ST7: variants seen among roughly 807,000 people sequenced by gnomAD.
ST7 encodes the protein suppression of tumorigenicity 7.
Under a neutral mutation model 78.7 loss-of-function variants are expected in ST7, and 28 were observed. That is an observed-to-expected ratio of 0.36 (90% CI 0.26 to 0.49). The LOEUF (loss-of-function observed/expected upper bound fraction) is 0.49. ST7 is among the 20% of genes least tolerant of loss of function. The pLI, the probability that ST7 is intolerant of heterozygous loss-of-function variation, is 0.99. For missense variants in ST7, 418 were observed against 696.0 expected, an observed-to-expected ratio of 0.60 and a Z score of 4.49; for synonymous variants, 247 against 249.6, an observed-to-expected ratio of 0.99 and a Z score of 0.10.
intron 1 of ST7, among the ~76,000 whole-genome samples, chr7:117,036,847 C>G (rs1293828538): frequency 6.6e-6 from 1 of 152,194 alleles, no homozygotes; most frequent in Non-Finnish European, 1.5e-5. Context: ...ATCTCTCAAT[C>G]TAAACTCAGT....
intron 1 of ST7, among the ~76,000 whole-genome samples, chr7:117,010,049 G>A (rs191818289): frequency 3.3e-5 from 5 of 152,340 alleles, no homozygotes; most frequent in East Asian, 3.9e-4. Flanking sequence ...TTACTCATGC[G>A]TTTGGTCATA....
At chr7:117,177,503 C>T (rs776039397) in intron 10 of ST7, among the ~76,000 whole-genome samples, 12 of 152,200 alleles carry the variant, frequency 7.9e-5, no homozygotes, top group Non-Finnish European at 1.3e-4. Flanking sequence ...GCACCAGCCA[C>T]GGAAGGGCCC....
chr7:117,222,905 C>T (rs1793199283), intron 15 of ST7: 14 of 1,613,992 alleles, frequency 8.7e-6, no homozygotes, highest in Non-Finnish European at 1.1e-5. Context: ...ACTGGAATTG[C>T]AAGAGTATTT....
chr7:117,129,934 G>A, intron 4 of ST7, 87 bp downstream of exon 4: 1 of 1,063,308 alleles, frequency 9.4e-7, no homozygotes, highest in East Asian at 2.4e-5. Flanking sequence ...TCATTTAGGG[G>A]TCATTGTAAC....
chr7:117,077,655 T>G (rs1240093744), intron 1 of ST7, among the ~76,000 whole-genome samples: 4 of 152,184 alleles, frequency 2.6e-5, no homozygotes, highest in Admixed American at 2.6e-4. Flanking sequence ...GATGACAATT[T>G]CATTGAGTTT....
intron 9 of ST7, among the ~76,000 whole-genome samples, chr7:117,168,509 GA>G (rs1023546953): frequency 3.1e-4 from 47 of 150,386 alleles, no homozygotes; most frequent in African/African-American, 1.1e-3. Flanking sequence ...ATTAGAAAGA[GA>G]AAAAAAAATC....
chr7:117,107,308 G>T (rs1201115930), intron 2 of ST7, among the ~76,000 whole-genome samples: 1 of 152,054 alleles, frequency 6.6e-6, no homozygotes, highest in African/African-American at 2.4e-5. Flanking sequence ...TGGATCCAAT[G>T]GTAGATGTAC....
intron 10 of ST7, among the ~76,000 whole-genome samples, chr7:117,178,354 G>A (rs529764449): frequency 1.3e-5 from 2 of 152,116 alleles, no homozygotes; most frequent in African/African-American, 4.8e-5. Flanking sequence ...AAAAACAGGC[G>A]AAGCGAGATG....
chr7:117,183,720 A>T (rs1310906694), intron 10 of ST7, among the ~76,000 whole-genome samples: 5 of 152,238 alleles, frequency 3.3e-5, no homozygotes, highest in Non-Finnish European at 7.3e-5. Context: ...AAAGTTAAAC[A>T]GACATCTATC....
At chr7:117,191,368 T>C (rs1390500307) in intron 12 of ST7, among the ~76,000 whole-genome samples, 1 of 152,242 alleles carries the variant, frequency 6.6e-6, no homozygotes, top group East Asian at 1.9e-4. Context: ...GTAATCAGTA[T>C]TGGCAAGAAA....
intron 7 of ST7, 105 bp downstream of exon 7, chr7:117,134,297 G>A: frequency 6.5e-7 from 1 of 1,532,682 alleles, no homozygotes; most frequent in East Asian, 2.3e-5. Flanking sequence ...GCTTCTGTAT[G>A]TGTATTGTGT....
At chr7:116,966,743 C>T (rs1793138908) in intron 1 of ST7, among the ~76,000 whole-genome samples, 1 of 152,304 alleles carries the variant, frequency 6.6e-6, no homozygotes. Flanking sequence ...AGCAAAGCAT[C>T]CCCTCTAGGC....
intron 1 of ST7, chr7:116,954,233 C>T (rs1436864080): frequency 6.6e-6 from 1 of 151,996 alleles, no homozygotes; most frequent in Non-Finnish European, 1.5e-5. Flanking sequence ...GCTGTCCGGG[C>T]GGCGCCCTCC....
At chr7:116,984,409 G>A (rs1046445216) in intron 1 of ST7, among the ~76,000 whole-genome samples, 1 of 152,076 alleles carries the variant, frequency 6.6e-6, no homozygotes, top group Non-Finnish European at 1.5e-5. Flanking sequence ...AAAGTCTGTG[G>A]GATTATCTGT....
intron 12 of ST7, among the ~76,000 whole-genome samples, chr7:117,204,218 T>C (rs991262210): frequency 6.6e-6 from 1 of 152,192 alleles, no homozygotes; most frequent in African/African-American, 2.4e-5. Context: ...ACAAATTACC[T>C]CTACAGTAAT....
chr7:117,049,917 C>G (rs1424167507), intron 1 of ST7, among the ~76,000 whole-genome samples: 1 of 151,994 alleles, frequency 6.6e-6, no homozygotes, highest in Non-Finnish European at 1.5e-5. Flanking sequence ...AAAAATATGC[C>G]AGACCTGGCC....
chr7:117,130,037 T>C (rs185553288), intron 4 of ST7, among the ~76,000 whole-genome samples, 190 bp downstream of exon 4: 1 of 152,062 alleles, frequency 6.6e-6, no homozygotes, highest in East Asian at 1.9e-4. Flanking sequence ...TGGGATAATG[T>C]ACAAAAATGT....
chr7:117,052,494 T>C (rs943622068), intron 1 of ST7, among the ~76,000 whole-genome samples: 1 of 152,256 alleles, frequency 6.6e-6, no homozygotes, highest in African/African-American at 2.4e-5. Flanking sequence ...AATAACTTTT[T>C]TTGTTATGAA....
chr7:116,967,213 T>C, intron 1 of ST7: 2 of 439,240 alleles, frequency 4.6e-6, no homozygotes, highest in South Asian at 3.3e-5. Context: ...GAAGGCTATA[T>C]TGGTATGAAT....
Sources: allele counts gnomAD v4.1 joint callset (sites outside exome capture counted in the v4.1 genomes callset), GRCh38; gene constraint gnomAD v4.1.1; transcripts MANE v1.5; gene names NCBI Gene and HGNC (gene_info 2026-07-23, HGNC 2026-07-21).